The following PAMR1 variants were observed in gnomAD, a reference collection of about 807,000 sequenced individuals.
PAMR1 encodes inactive serine protease PAMR1.
PAMR1 carries 88 observed loss-of-function variants against 81.8 expected under a neutral mutation model. The ratio of observed to expected loss-of-function variants is 1.08; its 90% CI spans 0.91 to 1.28. The LOEUF (loss-of-function observed/expected upper bound fraction) is 1.28. Ranked by LOEUF, PAMR1 falls within the 50% of genes most tolerant of loss-of-function variation. The pLI is 0.00. For synonymous variants in PAMR1, 336 were observed against 345.3 expected, an observed-to-expected ratio of 0.97 and a Z score of 0.30; for missense variants, 935 against 919.7, an observed-to-expected ratio of 1.02 and a Z score of -0.21.
chr11:35,526,685 C>G (rs925218660), upstream of PAMR1, among the ~76,000 whole-genome samples: 2 of 152,196 alleles, frequency 1.3e-5, no homozygotes, highest in Admixed American at 6.5e-5. Flanking sequence ...GGCCCACAGG[C>G]TATAGTCTTA....
At chr11:35,516,650 G>C (rs1451871198) in intron 1 of PAMR1, among the ~76,000 whole-genome samples, 1 of 152,124 alleles carries the variant, frequency 6.6e-6, no homozygotes, top group Non-Finnish European at 1.5e-5. Flanking sequence ...ACAAACAAGG[G>C]GTCAATGAAC....
intron 6 of PAMR1, among the ~76,000 whole-genome samples, chr11:35,461,670 C>T (rs1342521852): frequency 6.6e-6 from 1 of 151,832 alleles, no homozygotes; most frequent in Non-Finnish European, 1.5e-5. Context: ...TATAAAAGGG[C>T]AGCTTCTACT....
At chr11:35,491,484 G>A (rs1850624989) in intron 3 of PAMR1, among the ~76,000 whole-genome samples, 1 of 152,106 alleles carries the variant, frequency 6.6e-6, no homozygotes, top group Admixed American at 6.5e-5. Flanking sequence ...ACTGTCGGGG[G>A]GAATCTTGGA....
intron 6 of PAMR1, among the ~76,000 whole-genome samples, chr11:35,448,793 T>C (rs1856350270): frequency 6.6e-6 from 1 of 152,236 alleles, no homozygotes. Flanking sequence ...ACCTTCAATC[T>C]TTGAGGCTGC....
chr11:35,453,674 A>G (rs1856467341), intron 6 of PAMR1, among the ~76,000 whole-genome samples: 1 of 152,172 alleles, frequency 6.6e-6, no homozygotes, highest in Non-Finnish European at 1.5e-5. Flanking sequence ...TTCTCTTTTT[A>G]GAAACCTTTG....
chr11:35,436,656 T>TCACACACACACA (rs34951313), intron 8 of PAMR1, among the ~76,000 whole-genome samples: 14 of 144,944 alleles, frequency 9.7e-5, no homozygotes, highest in African/African-American at 2.8e-4. Context: ...TCTCTCTCTG[T>TCACACACACACA]CACACACACA....
intron 6 of PAMR1, among the ~76,000 whole-genome samples, chr11:35,449,268 T>C (rs12365646): frequency 0.36 from 54,939 of 150,988 alleles, 10,338 homozygotes; most frequent in African/African-American, 0.46. Flanking sequence ...AGATCATGAC[T>C]GCCTCCCCAC....
At chr11:35,479,763 A>G (rs749042566) in intron 3 of PAMR1, among the ~76,000 whole-genome samples, 11 of 152,162 alleles carry the variant, frequency 7.2e-5, no homozygotes, top group Admixed American at 1.3e-4. Context: ...TGGCTTCTGA[A>G]TTTTCATCTT....
At chr11:35,513,014 G>C (rs1355830460) in intron 1 of PAMR1, among the ~76,000 whole-genome samples, 3 of 152,114 alleles carry the variant, frequency 2.0e-5, no homozygotes, top group Admixed American at 6.6e-5. Flanking sequence ...ATAAAGGAAA[G>C]TGGCGAGCAG....
Position 35,470,803 on chromosome 11 carries a change from G to T in PAMR1, c.510C>A (p.Ser170Arg). The change falls in exon 5 of 11, where the codon AGC becomes AGA. Residue 170 changes from serine (S) to arginine (R), a missense_variant. Ser to Arg is a moderately radical substitution (Grantham distance 110, BLOSUM62 -1). Coordinates refer to ENST00000619888, the MANE Select transcript of PAMR1 (RefSeq NM_001001991.3). ...ACTGGCACATGTAGTCAAACTCCAG[G>T]CTCAACATGACAAATCTGTGGGTGG... is the stretch of plus-strand genomic sequence containing the variant. ...FVIQLRFVMLSLEFDYMCQYD... is the reference protein window; with the variant it reads ...FVIQLRFVMLRLEFDYMCQYD... The T allele has an allele frequency of 1.9e-6, 3 of 1,613,470 alleles. No individual in the cohort carries two copies. The highest frequency in any genetic ancestry group is 2.5e-6 in the Non-Finnish European group (3 of 1,179,600).
chr11:35,500,463 T>G (rs1318749904), intron 1 of PAMR1, among the ~76,000 whole-genome samples: 1 of 152,128 alleles, frequency 6.6e-6, no homozygotes, highest in Non-Finnish European at 1.5e-5. Flanking sequence ...CTGATGGTGC[T>G]CACAGTTCAA....
At chr11:35,433,792 CTGGA>C (rs1855967865) in intron 10 of PAMR1, among the ~76,000 whole-genome samples, 1 of 129,618 alleles carries the variant, frequency 7.7e-6, no homozygotes, top group Non-Finnish European at 1.6e-5. Context: ...GGATCGATGG[CTGGA>C]TGGATGGATA....
At chr11:35,440,108 T>G (rs1420064230) in intron 7 of PAMR1, among the ~76,000 whole-genome samples, 1 of 152,222 alleles carries the variant, frequency 6.6e-6, no homozygotes, top group Non-Finnish European at 1.5e-5. Context: ...GTGTCAACCA[T>G]AGATAAGTCT....
intron 6 of PAMR1, among the ~76,000 whole-genome samples, chr11:35,448,008 T>G (rs1272397236): frequency 1.3e-5 from 2 of 152,222 alleles, no homozygotes; most frequent in African/African-American, 4.8e-5. Flanking sequence ...TCCTGAGATA[T>G]CGACTGTTAG....
At chr11:35,502,892 A>G (rs1435636782) in intron 1 of PAMR1, among the ~76,000 whole-genome samples, 12 of 152,052 alleles carry the variant, frequency 7.9e-5, no homozygotes, top group Admixed American at 7.2e-4. Flanking sequence ...TGTGCTTTTG[A>G]CGTTTTCCCC....
intron 1 of PAMR1, among the ~76,000 whole-genome samples, chr11:35,507,771 A>G (rs1850992841): frequency 7.0e-6 from 1 of 143,250 alleles, no homozygotes; most frequent in Non-Finnish European, 1.5e-5. Context: ...TTGCTTAGAA[A>G]TTCTTTGTAA....
intron 1 of PAMR1, among the ~76,000 whole-genome samples, chr11:35,518,467 T>G (rs1350827741): frequency 6.6e-6 from 1 of 151,714 alleles, no homozygotes; most frequent in Non-Finnish European, 1.5e-5. Flanking sequence ...CTTCCACGTC[T>G]TATGCCTTAC....
At chr11:35,475,091 G>A (rs904615532) in intron 3 of PAMR1, among the ~76,000 whole-genome samples, 1 of 152,152 alleles carries the variant, frequency 6.6e-6, no homozygotes, top group Non-Finnish European at 1.5e-5. Flanking sequence ...TAAAGTTCGA[G>A]CCACCCTATC....
rs747015590 is a variant in PAMR1 at position 35,432,557 on chromosome 11, G to A, written c.1962C>T (p.Pro654=). ...CAGTGCAGATATCAGAAGGGGCAGT[G>A]GGTTCCCAGCTGGCACAGAACATGT... ...TDNMFCASWE[P]TAPSDICTAE... Residue 654 remains proline, a synonymous_variant, in exon 11 of 11, where the codon CCC becomes CCT. Transcript: ENST00000619888. 1.9e-6 allele frequency: 3 copies of A among 1,614,098 alleles called. No homozygotes were observed. Among genetic ancestry groups the A allele is most frequent in the Middle Eastern group, 1.6e-4 (1 of 6,084 alleles).
Sources: allele counts gnomAD v4.1 joint callset (sites outside exome capture counted in the v4.1 genomes callset), GRCh38; gene constraint gnomAD v4.1.1; transcripts MANE v1.5; gene names NCBI Gene and HGNC (gene_info 2026-07-23, HGNC 2026-07-21).